FBXO8: variants seen among roughly 807,000 people sequenced by gnomAD.
FBXO8 encodes the protein F-box only protein 8.
A neutral mutation model predicts 33.4 loss-of-function variants in FBXO8; 15 were observed. That is an observed-to-expected ratio of 0.45 (90% CI 0.30 to 0.69). FBXO8 has a LOEUF of 0.69. Among genes scored for constraint, FBXO8 ranks in the 30% least tolerant of loss-of-function variants. The probability of loss-of-function intolerance (pLI) is 0.08; values close to 1 mark genes in which losing one functional copy is unlikely to be tolerated. For synonymous variants in FBXO8, 132 were observed against 131.5 expected, an observed-to-expected ratio of 1.00 and a Z score of -0.02; for missense variants, 274 against 380.3, an observed-to-expected ratio of 0.72 and a Z score of 2.32.
At chr4:174,250,127 C>T (rs1215366510) in intron 3 of FBXO8, among the ~76,000 whole-genome samples, 1 of 151,950 alleles carries the variant, frequency 6.6e-6, no homozygotes, top group Non-Finnish European at 1.5e-5. Flanking sequence ...TTCACAAGAA[C>T]ACTGTTATAA....
rs142238338 is a variant in FBXO8 at position 174,238,974 on chromosome 4, A to G, written c.772+20T>C. 250 of 1,429,446 alleles carry G rather than the reference A, an allele frequency of 1.7e-4. 1 individual carries two copies. The African/African-American group carries it at 3.3e-3, about 19-fold the overall frequency. The allele number at this position is 1,429,446 out of a possible 1,614,324, so 88.5% of individuals were successfully genotyped here. The stretch of plus-strand genomic sequence containing the variant: ...AAAGATGGGCAGGGGGTGATGTACT[A>G]TTAATATATATATTCTTACCAGGAC... On this transcript the variant is annotated intron_variant, in intron 5 of 5. Coordinates refer to ENST00000393674, the MANE Select transcript of FBXO8 (RefSeq NM_012180.3).
chr4:174,264,377 G>A (rs996258770), intron 1 of FBXO8, among the ~76,000 whole-genome samples: 2 of 152,018 alleles, frequency 1.3e-5, no homozygotes, highest in Non-Finnish European at 2.9e-5. Context: ...AAAAATAGTG[G>A]GCAGACTAGA....
Position 174,239,176 on chromosome 4 carries a change from T to C in FBXO8, c.590A>G (p.Asp197Gly). 6.3e-7 allele frequency: 1 copy of C among 1,575,420 alleles called. No homozygotes were observed. The highest frequency in any genetic ancestry group is 8.6e-7 in the Non-Finnish European group (1 of 1,159,408). Residue 197 changes from aspartate (D) to glycine (G), a missense_variant, in exon 5 of 6, where the codon GAT becomes GGT. Coordinates refer to ENST00000393674, the MANE Select transcript of FBXO8 (RefSeq NM_012180.3). ...IYLDERRDVL[D>G]DLVTLHNFRN... Reference sequence around the variant, plus strand: ...AAAATTATGCAATGTTACAAGGTCATCCAAGACATCTCTCCTACAGAAAGA... The same window carrying C: ...AAAATTATGCAATGTTACAAGGTCACCCAAGACATCTCTCCTACAGAAAGA...
rs1735924565 is a variant in FBXO8, at chr4:174,237,902, T to C, written c.773-303A>G. Among the ~76,000 whole-genome samples, 1 of 152,090 alleles carries C rather than the reference T, an allele frequency of 6.6e-6. No individual in the cohort carries two copies. On this transcript the variant is annotated intron_variant, in intron 5 of 5. Transcript: ENST00000393674. This position sits in a 1 kb window ranked among gnomAD's most constrained non-coding sequence, Gnocchi z 4.4. ...ACAGTTTAGGAGTGTATAGTAAAAATTCATTCTAGATTTAAAAAATTTAGA... is the reference window on the plus strand; with the variant it reads ...ACAGTTTAGGAGTGTATAGTAAAAACTCATTCTAGATTTAAAAAATTTAGA...
intron 3 of FBXO8, among the ~76,000 whole-genome samples, chr4:174,249,237 AT>A (rs1736233310): frequency 6.6e-6 from 1 of 152,044 alleles, no homozygotes; most frequent in African/African-American, 2.4e-5. Context: ...TATTGTAATT[AT>A]TATCAAAAAA....
rs868220723 is a variant in FBXO8 at position 174,241,594 on chromosome 4, G to C, written c.457-376C>G. On this transcript the variant is annotated intron_variant, in intron 3 of 5. Coordinates refer to ENST00000393674, the MANE Select transcript of FBXO8 (RefSeq NM_012180.3). This position sits in a 1 kb window ranked among gnomAD's most constrained non-coding sequence, Gnocchi z 4.2. ...ACTTCTGCTGTCTAATACAAAACAT[G>C]ATTTCTTAAAGCTCACATATATATT... 1.1e-4 allele frequency among the ~76,000 whole-genome samples: 17 copies of C among 151,562 alleles called. No individual in the cohort carries two copies. The highest frequency in any genetic ancestry group is 3.4e-3 in the Middle Eastern group (1 of 294).
At chr4:174,238,679 T>C (rs1269452258) in intron 5 of FBXO8, among the ~76,000 whole-genome samples, 2 of 149,510 alleles carry the variant, frequency 1.3e-5, no homozygotes, top group African/African-American at 2.4e-5. Flanking sequence ...TGTATACATA[T>C]AAATTTGTAA....
chr4:174,260,703 T>TA, intron 2 of FBXO8, among the ~76,000 whole-genome samples: 1 of 152,124 alleles, frequency 6.6e-6, no homozygotes, highest in East Asian at 1.9e-4. Context: ...GTTAATGTTT[T>TA]ATCTTATTAT....
At chr4:174,238,576 T>C (rs993857589) in intron 5 of FBXO8, among the ~76,000 whole-genome samples, 14 of 151,390 alleles carry the variant, frequency 9.2e-5, no homozygotes, top group African/African-American at 3.4e-4. Context: ...ATAACAACTT[T>C]ATATATATAC....
rs1405952674 is a variant in FBXO8, at chr4:174,256,443, T to G, written c.456+3256A>C. Among the ~76,000 whole-genome samples, 1 of 152,144 alleles carries G rather than the reference T, an allele frequency of 6.6e-6. No individual in the cohort carries two copies. The highest frequency in any genetic ancestry group is 6.5e-5 in the Admixed American group (1 of 15,274). ...GCCTAATTTTGAGCACTCAAAAAACTTGGCAAGAGTCATTCTAAAGTCTGG... is the reference window on the plus strand; with the variant it reads ...GCCTAATTTTGAGCACTCAAAAAACGTGGCAAGAGTCATTCTAAAGTCTGG... On this transcript the variant is annotated intron_variant, in intron 3 of 5. Coordinates refer to ENST00000393674, the MANE Select transcript of FBXO8 (RefSeq NM_012180.3). This position sits in a 1 kb window ranked among gnomAD's most constrained non-coding sequence, Gnocchi z 4.6.
chr4:174,254,881 A>G lies in FBXO8; in HGVS notation c.456+4818T>C, dbSNP rs534580280. Among the ~76,000 whole-genome samples the G allele has an allele frequency of 7.2e-5, 11 of 152,316 alleles. No individual in the cohort carries two copies. Among genetic ancestry groups the G allele is most frequent in the Non-Finnish European group, 4.4e-5 (3 of 67,996 alleles). On this transcript the variant is annotated intron_variant, in intron 3 of 5. Transcript: ENST00000393674. This position sits in a 1 kb window ranked among gnomAD's most constrained non-coding sequence, Gnocchi z 4.2. ...GTATTTCAACCATTCTAAAATATTTATTTATACACAGTAGGATTACAGATA... is the reference window on the plus strand; with the variant it reads ...GTATTTCAACCATTCTAAAATATTTGTTTATACACAGTAGGATTACAGATA...
chr4:174,263,024 G>C lies in FBXO8; in HGVS notation c.69C>G (p.Gly23=). ...QLQQEGYSEQ[G]YLTREQSRRM... ...TCCTGCTCTGCTCTCTGGTGAGGTA[G>C]CCTTGCTCACTGTAGCCTTCTTGTT... The change falls in exon 2 of 6, where the codon GGC becomes GGG. Residue 23 remains glycine, a synonymous_variant. Coordinates refer to ENST00000393674, the MANE Select transcript of FBXO8 (RefSeq NM_012180.3). This position sits in a 1 kb window ranked among gnomAD's most constrained non-coding sequence, Gnocchi z 4.2. 6.2e-7 allele frequency: 1 copy of C among 1,613,968 alleles called. No individual in the cohort carries two copies. Among genetic ancestry groups the C allele is most frequent in the Non-Finnish European group, 8.5e-7 (1 of 1,179,940 alleles).
chr4:174,249,365 T>C (rs1012562765), intron 3 of FBXO8, among the ~76,000 whole-genome samples: 2 of 152,002 alleles, frequency 1.3e-5, no homozygotes, highest in African/African-American at 4.8e-5. Flanking sequence ...TATTAGGTTA[T>C]GATTAATAAT....
intron 1 of FBXO8, among the ~76,000 whole-genome samples, chr4:174,269,678 C>CG (rs774041159): frequency 2.1e-4 from 25 of 117,094 alleles, no homozygotes; most frequent in South Asian, 8.9e-4. Flanking sequence ...AGACTCGTCT[C>CG]AAAAAAAAAA....
chr4:174,246,966 A>G (rs1380013675), intron 3 of FBXO8, among the ~76,000 whole-genome samples: 1 of 152,022 alleles, frequency 6.6e-6, no homozygotes, highest in Admixed American at 6.6e-5. Context: ...CTGGGAATTC[A>G]CTAGGAATAA....
intron 2 of FBXO8, among the ~76,000 whole-genome samples, chr4:174,260,663 AC>A (rs1736537107): frequency 1.3e-5 from 2 of 151,972 alleles, no homozygotes; most frequent in African/African-American, 4.8e-5. Context: ...CTAACTCTTC[AC>A]AGAGGCAATA....
chr4:174,238,457 A>G (rs1579015216), intron 5 of FBXO8, among the ~76,000 whole-genome samples: 1 of 151,772 alleles, frequency 6.6e-6, no homozygotes, highest in East Asian at 1.9e-4. Flanking sequence ...AAAATTTTTG[A>G]TATGAAAAGA....
rs1266390049 is a variant in FBXO8 at position 174,239,154 on chromosome 4, A to AGG, written c.611_612insCC (p.Phe205LeufsTer11). The AGG allele has an allele frequency of 6.3e-7, 1 of 1,595,250 alleles. No individual in the cohort carries two copies. Among genetic ancestry groups the AGG allele is most frequent in the African/African-American group, 1.4e-5 (1 of 74,044 alleles). On this transcript the variant is annotated frameshift_variant, in exon 5 of 6. Coordinates refer to ENST00000393674, the MANE Select transcript of FBXO8 (RefSeq NM_012180.3). LOFTEE classifies it high-confidence loss of function. ...CATTTGGCAAGAACTGATTTCTAAAATTATGCAATGTTACAAGGTCATCCA... is the reference window on the plus strand; with the variant it reads ...CATTTGGCAAGAACTGATTTCTAAAAGGTTATGCAATGTTACAAGGTCATCCA...
intron 1 of FBXO8, among the ~76,000 whole-genome samples, chr4:174,268,541 A>G (rs1206155109): frequency 1.3e-5 from 2 of 152,002 alleles, no homozygotes; most frequent in Admixed American, 6.6e-5. Context: ...GTTTCTCGCC[A>G]TTCTCCTGAC....
Sources: gnomAD v4.1 joint callset for allele counts (sites outside exome capture counted in the v4.1 genomes callset) on GRCh38, gnomAD v4.1.1 for gene constraint, Gnocchi (gnomAD v3.1) non-coding constraint, MANE v1.5 for transcripts, NCBI Gene and HGNC (gene_info 2026-07-23, HGNC 2026-07-21) for gene names.